The following NKAIN2 variants were observed in gnomAD, a reference collection of about 807,000 sequenced individuals.
NKAIN2 encodes the protein sodium/potassium-transporting ATPase subunit beta-1-interacting protein 2.
Under a neutral mutation model 32.6 loss-of-function variants are expected in NKAIN2, and 14 were observed. The observed-to-expected ratio is 0.43, with a 90% CI of 0.28 to 0.67. NKAIN2 has a LOEUF of 0.67. Among genes scored for constraint, NKAIN2 ranks in the 30% least tolerant of loss-of-function variants. The pLI is 0.17. For synonymous variants in NKAIN2, 80 were observed against 87.2 expected (o/e 0.92, Z 0.46); for missense variants, 198 against 258.3 (o/e 0.77, Z 1.60).
intron 1 of NKAIN2, among the ~76,000 whole-genome samples, chr6:124,034,582 C>A (rs544491123): frequency 6.6e-6 from 1 of 152,170 alleles, no homozygotes; most frequent in East Asian, 1.9e-4. Flanking sequence ...AATACACTCA[C>A]AAATGCAGAT....
At chr6:124,375,282 T>C (rs976215517) in intron 3 of NKAIN2, among the ~76,000 whole-genome samples, 1 of 151,696 alleles carries the variant, frequency 6.6e-6, no homozygotes, top group African/African-American at 2.4e-5. Context: ...CATTACTTTT[T>C]ACACTTGTTT....
chr6:123,810,031 A>T (rs1019650358), intron 1 of NKAIN2, among the ~76,000 whole-genome samples: 2 of 152,148 alleles, frequency 1.3e-5, no homozygotes, highest in African/African-American at 4.8e-5. Flanking sequence ...TAATAATGAA[A>T]ACTATTATTT....
chr6:124,481,863 G>T (rs1777464883), intron 3 of NKAIN2, among the ~76,000 whole-genome samples: 1 of 151,984 alleles, frequency 6.6e-6, no homozygotes, highest in South Asian at 2.1e-4. Flanking sequence ...CGTGTTTTTG[G>T]CAGGCGAGGG....
chr6:124,289,134 C>T (rs1372057438), intron 2 of NKAIN2, among the ~76,000 whole-genome samples: 2 of 152,186 alleles, frequency 1.3e-5, no homozygotes, highest in Non-Finnish European at 2.9e-5. Flanking sequence ...ACCCTGCTTA[C>T]TCTTCCAAAA....
At chr6:123,808,441 A>G (rs1374902942) in intron 1 of NKAIN2, among the ~76,000 whole-genome samples, 1 of 152,192 alleles carries the variant, frequency 6.6e-6, no homozygotes, top group African/African-American at 2.4e-5. Flanking sequence ...AATGTTTTCT[A>G]TTTATGCATC....
intron 1 of NKAIN2, among the ~76,000 whole-genome samples, chr6:124,215,842 A>G (rs1375230509): frequency 1.3e-5 from 2 of 152,116 alleles, no homozygotes; most frequent in East Asian, 3.9e-4. Context: ...TCCTGGCCGG[A>G]TGCAGTGGCT....
intron 3 of NKAIN2, among the ~76,000 whole-genome samples, chr6:124,634,800 T>C (rs1200449832): frequency 6.6e-6 from 1 of 151,876 alleles, no homozygotes; most frequent in Non-Finnish European, 1.5e-5. Context: ...AATCAAATTC[T>C]CAAAAGCCAA....
intron 1 of NKAIN2, among the ~76,000 whole-genome samples, chr6:124,169,393 T>A (rs1241203763): frequency 6.6e-6 from 1 of 152,178 alleles, no homozygotes; most frequent in Non-Finnish European, 1.5e-5. Context: ...TATTGCTCAT[T>A]AAGTATTAAA....
At chr6:124,490,118 G>A (rs1777802952) in intron 3 of NKAIN2, among the ~76,000 whole-genome samples, 2 of 151,794 alleles carry the variant, frequency 1.3e-5, no homozygotes, top group African/African-American at 2.4e-5. Flanking sequence ...AGTTGATCCT[G>A]CCTAAACCTT....
chr6:124,144,912 T>A (rs1030521314), intron 1 of NKAIN2, among the ~76,000 whole-genome samples: 1 of 152,064 alleles, frequency 6.6e-6, no homozygotes, highest in South Asian at 2.1e-4. Flanking sequence ...ATCTAGAATA[T>A]GTAAGAAATT....
At chr6:124,531,209 ATGTT>A (rs1297192676) in intron 3 of NKAIN2, among the ~76,000 whole-genome samples, 1 of 152,144 alleles carries the variant, frequency 6.6e-6, no homozygotes, top group Non-Finnish European at 1.5e-5. Flanking sequence ...TGAGAAATAA[ATGTT>A]TGTTGCTTAA....
At chr6:124,393,360 T>C (rs1773225908) in intron 3 of NKAIN2, among the ~76,000 whole-genome samples, 1 of 150,402 alleles carries the variant, frequency 6.6e-6, no homozygotes, top group African/African-American at 2.5e-5. Flanking sequence ...TTTTTGGAAA[T>C]TTCTCATGTA....
intron 3 of NKAIN2, among the ~76,000 whole-genome samples, chr6:124,466,576 T>C (rs1776764937): frequency 6.6e-6 from 1 of 151,976 alleles, no homozygotes; most frequent in Non-Finnish European, 1.5e-5. Context: ...CAGCCCTTCT[T>C]CTCAGGAGAG....
intron 3 of NKAIN2, among the ~76,000 whole-genome samples, chr6:124,373,244 G>C (rs1799845295): frequency 6.6e-6 from 1 of 152,012 alleles, no homozygotes; most frequent in African/African-American, 2.4e-5. Flanking sequence ...GTGTAGGAAG[G>C]GAGTGATCAG....
chr6:124,642,073 C>T (rs867024343), intron 3 of NKAIN2, among the ~76,000 whole-genome samples: 1 of 152,216 alleles, frequency 6.6e-6, no homozygotes, highest in Non-Finnish European at 1.5e-5. Flanking sequence ...TAGTTGAAGA[C>T]TCTAACAAAG....
At chr6:124,513,068 A>C (rs1778777071) in intron 3 of NKAIN2, among the ~76,000 whole-genome samples, 1 of 152,176 alleles carries the variant, frequency 6.6e-6, no homozygotes, top group African/African-American at 2.4e-5. Flanking sequence ...ATAAAGGCAA[A>C]ATGAATCAGT....
intron 3 of NKAIN2, among the ~76,000 whole-genome samples, chr6:124,520,531 T>C (rs1333063377): frequency 6.6e-6 from 1 of 152,212 alleles, no homozygotes; most frequent in East Asian, 1.9e-4. Context: ...ACGACTAGTT[T>C]CACGGTCATT....
At chr6:123,892,860 G>T (rs1228008632) in intron 1 of NKAIN2, among the ~76,000 whole-genome samples, 1 of 151,504 alleles carries the variant, frequency 6.6e-6, no homozygotes, top group African/African-American at 2.4e-5. Context: ...AAGGGTGAAG[G>T]TCAGATGCCA....
chr6:124,779,247 A>T lies in NKAIN2; in HGVS notation c.475-12092A>T, dbSNP rs1251146557. On this transcript the variant is annotated intron_variant, in intron 4 of 6. Transcript: ENST00000368417. ...CGACAGAGCCAGACTCCAACAAAGA[A>T]AGAGAGAGAGAGAGAGAGAGAGAGA... is the stretch of plus-strand genomic sequence containing the variant. 5.3e-3 allele frequency among the ~76,000 whole-genome samples: 397 copies of T among 75,358 alleles called. 11 individuals carry two copies. Among genetic ancestry groups the T allele is most frequent in the African/African-American group, 0.023 (379 of 16,820 alleles). 49.4% of individuals were successfully genotyped at this position (75,358 alleles called of 152,430 possible).
Sources: allele counts gnomAD v4.1 joint callset (sites outside exome capture counted in the v4.1 genomes callset), GRCh38; gene constraint gnomAD v4.1.1; transcripts MANE v1.5; gene names NCBI Gene and HGNC (gene_info 2026-07-23, HGNC 2026-07-21).